TRAPPC9: variants seen among roughly 807,000 people sequenced by gnomAD.
TRAPPC9 encodes trafficking protein particle complex subunit 9.
TRAPPC9 carries 83 observed loss-of-function variants against 124.0 expected under a neutral mutation model. The observed-to-expected ratio is 0.67, with a 90% CI of 0.56 to 0.80. The LOEUF is 0.80. Ranked by LOEUF, TRAPPC9 falls within the 30% of genes least tolerant of loss-of-function variation. TRAPPC9 has a pLI of 0.00. For missense variants in TRAPPC9, 1,302 were observed against 1,508.3 expected (o/e 0.86, Z 2.27); for synonymous variants, 638 against 617.5 (o/e 1.03, Z -0.49).
intron 7 of TRAPPC9, among the ~76,000 whole-genome samples, chr8:140,375,009 G>A (rs1371998202): frequency 6.6e-6 from 1 of 152,182 alleles, no homozygotes; most frequent in Non-Finnish European, 1.5e-5. Flanking sequence ...AATGGGAAAA[G>A]CTCGAGCGCA....
In TRAPPC9 at chr8:139,919,108, C is replaced by T. The variant is rs545948551; in HGVS notation, c.2811-8808G>A. ...TGCTCTCGACTCCCCGAGGCTTTGGCGCCCGGGCTAGTGTCCCGGCTGCAG... is the reference window on the plus strand; with the variant it reads ...TGCTCTCGACTCCCCGAGGCTTTGGTGCCCGGGCTAGTGTCCCGGCTGCAG... On this transcript the variant is annotated intron_variant, in intron 19 of 22. Transcript: ENST00000438773. 2.3e-4 allele frequency among the ~76,000 whole-genome samples: 35 copies of T among 152,326 alleles called. No homozygotes were observed. In the East Asian group the frequency reaches 2.7e-3, roughly 12 times the overall value.
chr8:140,306,404 A>G (rs572370392), intron 10 of TRAPPC9, among the ~76,000 whole-genome samples: 24 of 151,680 alleles, frequency 1.6e-4, no homozygotes, highest in African/African-American at 5.8e-4. Context: ...GAGGCAGTAG[A>G]ATTGCTTGAA....
intron 17 of TRAPPC9, among the ~76,000 whole-genome samples, chr8:140,071,346 C>G (rs1416880444): frequency 6.6e-6 from 1 of 152,214 alleles, no homozygotes; most frequent in Non-Finnish European, 1.5e-5. Context: ...TGCTCAGTCC[C>G]TGGCCCTAAA....
chr8:140,341,781 T>G (rs2067203108), intron 9 of TRAPPC9, among the ~76,000 whole-genome samples: 1 of 152,036 alleles, frequency 6.6e-6, no homozygotes, highest in Non-Finnish European at 1.5e-5. Flanking sequence ...GGGGGGCTAG[T>G]GCTCCATTCT....
At chr8:140,309,412 T>G (rs901498002) in intron 10 of TRAPPC9, among the ~76,000 whole-genome samples, 3 of 152,222 alleles carry the variant, frequency 2.0e-5, no homozygotes, top group African/African-American at 7.2e-5. Flanking sequence ...GCCTCTCGCT[T>G]AACTCCAGGG....
chr8:139,822,773 G>T (rs1388387992), intron 21 of TRAPPC9, among the ~76,000 whole-genome samples: 1 of 152,222 alleles, frequency 6.6e-6, no homozygotes, highest in East Asian at 1.9e-4. Flanking sequence ...GGGTAGGGTG[G>T]CAGTAGTGTA....
At chr8:140,394,287 A>C (rs1331414367) in intron 7 of TRAPPC9, among the ~76,000 whole-genome samples, 1 of 152,168 alleles carries the variant, frequency 6.6e-6, no homozygotes, top group Non-Finnish European at 1.5e-5. Context: ...GGGTCCGTTT[A>C]AAAGCACAGT....
At chr8:140,347,376 A>G in intron 9 of TRAPPC9, among the ~76,000 whole-genome samples, 1 of 152,172 alleles carries the variant, frequency 6.6e-6, no homozygotes. Flanking sequence ...CCAATCCCCT[A>G]TAAGAAATCC....
At position 140,145,017 on chromosome 8, in the gene TRAPPC9, C is replaced by T. The variant is rs192666158; in HGVS notation, c.2556+76442G>A. ...GGGGCCTCCCAAGTACCTGAGATTA[C>T]AGGCGTGTGCCGTCACACCCAGCTA... On this transcript the variant is annotated intron_variant, in intron 17 of 22. Coordinates refer to ENST00000438773, the MANE Select transcript of TRAPPC9 (RefSeq NM_001160372.4). Among the ~76,000 whole-genome samples the T allele has an allele frequency of 1.9e-3, 287 of 151,868 alleles. 1 individual carries two copies. Among genetic ancestry groups the T allele is most frequent in the African/African-American group, 6.6e-3 (272 of 41,436 alleles).
intron 15 of TRAPPC9, among the ~76,000 whole-genome samples, chr8:140,272,376 TG>T: frequency 3.1e-5 from 3 of 96,226 alleles, no homozygotes; most frequent in African/African-American, 5.5e-5. Context: ...GTGAGGGTGG[TG>T]GTGATGATGG....
chr8:140,283,871 G>A lies in TRAPPC9; in HGVS notation c.2114+18C>T. ...ATGCCTCAGAGCCACTCTGCTCTGT[G>A]ACCCTCGTGCACACTACCTGGGCAG... On this transcript the variant is annotated intron_variant, in intron 14 of 22. Coordinates refer to ENST00000438773, the MANE Select transcript of TRAPPC9 (RefSeq NM_001160372.4). The A allele has an allele frequency of 6.2e-7, 1 of 1,613,684 alleles. No homozygotes were observed.
chr8:140,199,481 A>G (rs1254193687), intron 17 of TRAPPC9, among the ~76,000 whole-genome samples: 1 of 151,920 alleles, frequency 6.6e-6, no homozygotes, highest in Non-Finnish European at 1.5e-5. Context: ...TAGGTGATCA[A>G]GCTGGAATGT....
At chr8:139,913,334 AG>A (rs1563917372) in intron 19 of TRAPPC9, among the ~76,000 whole-genome samples, 2 of 152,246 alleles carry the variant, frequency 1.3e-5, no homozygotes, top group East Asian at 3.8e-4. Flanking sequence ...CAGCCAGCCC[AG>A]GGAAGGCCAA....
chr8:140,059,316 T>C (rs1212365164), intron 17 of TRAPPC9, among the ~76,000 whole-genome samples: 1 of 152,250 alleles, frequency 6.6e-6, no homozygotes. Flanking sequence ...TTGTTGTCAG[T>C]AGCATTCCAC....
At chr8:140,082,073 T>A (rs1843861525) in intron 17 of TRAPPC9, 1 of 152,226 alleles carries the variant, frequency 6.6e-6, no homozygotes, top group Non-Finnish European at 1.5e-5. Flanking sequence ...GAAGCGTGCT[T>A]AACAAGCAAA....
At chr8:140,066,842 G>A (rs1036220356) in intron 17 of TRAPPC9, among the ~76,000 whole-genome samples, 1 of 152,218 alleles carries the variant, frequency 6.6e-6, no homozygotes, top group Admixed American at 6.5e-5. Flanking sequence ...CACAAAGCAT[G>A]CCTGATGAAG....
Position 139,932,742 on chromosome 8 carries a change from C to G in TRAPPC9, c.2811-22442G>C, listed in dbSNP as rs956209969. On this transcript the variant is annotated intron_variant, in intron 19 of 22. Coordinates refer to ENST00000438773, the MANE Select transcript of TRAPPC9 (RefSeq NM_001160372.4). ...TGGTACCTCTGCACTGCAGCCTGGG[C>G]AACAGAATGAGACTGTGTCTTCAAA... The G allele has an allele frequency of 2.7e-4, 94 of 353,958 alleles. 1 individual carries two copies. The highest frequency in any genetic ancestry group is 4.1e-4 in the Non-Finnish European group (73 of 179,710). The allele number at this position is 353,958 out of a possible 1,614,324, so 21.9% of individuals were successfully genotyped here. A position where few individuals can be genotyped will look rare whatever the true frequency, so the allele number is the denominator to read the frequency against.
intron 21 of TRAPPC9, among the ~76,000 whole-genome samples, chr8:139,760,378 C>T (rs892049498): frequency 6.6e-6 from 1 of 152,104 alleles, no homozygotes. Context: ...TCTGCTTGGC[C>T]CCTCCCTCCC....
intron 21 of TRAPPC9, among the ~76,000 whole-genome samples, chr8:139,815,458 G>C (rs1824764641): frequency 6.6e-6 from 1 of 150,912 alleles, no homozygotes; most frequent in Admixed American, 6.6e-5. Flanking sequence ...TGTGATCTCA[G>C]CTCACTGCAA....
Sources: gnomAD v4.1 joint callset for allele counts (sites outside exome capture counted in the v4.1 genomes callset) on GRCh38, gnomAD v4.1.1 for gene constraint, MANE v1.5 for transcripts, NCBI Gene and HGNC (gene_info 2026-07-23, HGNC 2026-07-21) for gene names.